MDGA2: variants seen among roughly 807,000 people sequenced by gnomAD.
The protein encoded by MDGA2 is MAM domain containing glycosylphosphatidylinositol anchor 2.
MDGA2 carries 40 observed loss-of-function variants against 117.8 expected under a neutral mutation model. The observed-to-expected ratio is 0.34, with a 90% CI of 0.26 to 0.44. MDGA2 has a LOEUF of 0.44. Among genes scored for constraint, MDGA2 ranks in the 20% least tolerant of loss-of-function variants. The pLI is 1.00. For missense variants in MDGA2, 1,123 were observed against 1,250.6 expected (o/e 0.90, Z 1.54); for synonymous variants, 452 against 439.0 (o/e 1.03, Z -0.37).
chr14:47,016,910 T>C (rs2138563535), intron 8 of MDGA2, among the ~76,000 whole-genome samples: 1 of 151,922 alleles, frequency 6.6e-6, no homozygotes, highest in South Asian at 2.1e-4. Context: ...GCTCAAAATA[T>C]TTTTATATCT....
intron 9 of MDGA2, among the ~76,000 whole-genome samples, chr14:46,954,994 G>T (rs1595066569): frequency 6.6e-6 from 1 of 151,900 alleles, no homozygotes; most frequent in African/African-American, 2.4e-5. Flanking sequence ...GAAATGTGAT[G>T]GGACATAATG....
chr14:47,133,789 G>A (rs998875778), intron 4 of MDGA2, among the ~76,000 whole-genome samples: 1 of 151,832 alleles, frequency 6.6e-6, no homozygotes, highest in Non-Finnish European at 1.5e-5. Context: ...CATACATTCA[G>A]TATCTCTGTC....
intron 1 of MDGA2, among the ~76,000 whole-genome samples, chr14:47,629,036 T>C (rs1897205766): frequency 6.6e-6 from 1 of 152,226 alleles, no homozygotes; most frequent in African/African-American, 2.4e-5. Flanking sequence ...TTTTCTGTTC[T>C]TTCACTTCTC....
At chr14:47,348,314 C>T (rs1186992167) in intron 1 of MDGA2, among the ~76,000 whole-genome samples, 1 of 151,548 alleles carries the variant, frequency 6.6e-6, no homozygotes, top group African/African-American at 2.4e-5. Flanking sequence ...CAGGTTCAAG[C>T]GATTCTCATG....
At chr14:46,902,878 T>C (rs1332442910) in intron 10 of MDGA2, among the ~76,000 whole-genome samples, 2 of 152,242 alleles carry the variant, frequency 1.3e-5, no homozygotes, top group Admixed American at 6.5e-5. Context: ...ACAGACCTAG[T>C]TAAATATACA....
At chr14:46,993,478 C>G (rs1297139866) in intron 8 of MDGA2, among the ~76,000 whole-genome samples, 2 of 144,634 alleles carry the variant, frequency 1.4e-5, no homozygotes. Flanking sequence ...TTTTTTTTTT[C>G]TGACACAGAG....
At chr14:47,068,792 A>C (rs982341561) in intron 6 of MDGA2, among the ~76,000 whole-genome samples, 1 of 152,154 alleles carries the variant, frequency 6.6e-6, no homozygotes, top group Admixed American at 6.5e-5. Flanking sequence ...GTACATCCTT[A>C]ATATTTATGA....
chr14:47,263,692 G>C (rs1266501443), intron 2 of MDGA2, among the ~76,000 whole-genome samples: 2 of 152,076 alleles, frequency 1.3e-5, no homozygotes, highest in Admixed American at 6.6e-5. Flanking sequence ...CATCTGAATA[G>C]CAAAAGCATC....
intron 3 of MDGA2, among the ~76,000 whole-genome samples, chr14:47,174,403 G>C (rs886444394): frequency 3.3e-5 from 5 of 152,064 alleles, no homozygotes; most frequent in African/African-American, 1.2e-4. Context: ...TGGAAGTAAA[G>C]ATCTCCCCAG....
intron 1 of MDGA2, among the ~76,000 whole-genome samples, chr14:47,357,129 A>G (rs1049932640): frequency 6.6e-5 from 10 of 152,188 alleles, no homozygotes; most frequent in African/African-American, 2.4e-4. Flanking sequence ...CACAACTTGC[A>G]GTGGATTACT....
At chr14:47,578,356 CA>C (rs958809143) in intron 1 of MDGA2, among the ~76,000 whole-genome samples, 3 of 152,064 alleles carry the variant, frequency 2.0e-5, no homozygotes, top group African/African-American at 7.2e-5. Context: ...CCATTGCACA[CA>C]TATACCTATG....
chr14:47,224,330 T>TAGATA (rs1566688963), intron 2 of MDGA2, among the ~76,000 whole-genome samples: 1 of 151,832 alleles, frequency 6.6e-6, no homozygotes. Flanking sequence ...GATATAGATA[T>TAGATA]TTCCTGAAAC....
chr14:47,463,906 C>T (rs962175786), intron 1 of MDGA2, among the ~76,000 whole-genome samples: 44 of 151,882 alleles, frequency 2.9e-4, no homozygotes, highest in Non-Finnish European at 4.4e-5. Context: ...GTAATGGATA[C>T]AACTTTAAAT....
intron 14 of MDGA2, among the ~76,000 whole-genome samples, chr14:46,858,186 G>C (rs1233888065): frequency 6.6e-6 from 1 of 150,446 alleles, no homozygotes; most frequent in East Asian, 2.0e-4. Flanking sequence ...CAAGTTCACT[G>C]ACTTTTTTTT....
chr14:47,624,147 G>C (rs529319764), intron 1 of MDGA2, among the ~76,000 whole-genome samples: 1 of 152,102 alleles, frequency 6.6e-6, no homozygotes, highest in Non-Finnish European at 1.5e-5. Context: ...GAAGGTCCTC[G>C]TTCCTTTTGT....
At chr14:46,960,676 TATAC>T (rs893109920) in intron 8 of MDGA2, 69 of 151,792 alleles carry the variant, frequency 4.5e-4, no homozygotes, top group Non-Finnish European at 7.9e-4. Flanking sequence ...TACACACACA[TATAC>T]ATACATATGT....
intron 8 of MDGA2, among the ~76,000 whole-genome samples, chr14:46,999,607 A>G (rs576214583): frequency 3.3e-5 from 5 of 152,158 alleles, no homozygotes; most frequent in Non-Finnish European, 5.9e-5. Flanking sequence ...CTGAATAAAC[A>G]TGAATCCATC....
intron 3 of MDGA2, 70 bp from the exon 4 acceptor site, chr14:47,144,344 T>A: frequency 2.6e-6 from 3 of 1,168,640 alleles, no homozygotes; most frequent in Middle Eastern, 2.4e-4. Flanking sequence ...TGTGCTTATA[T>A]AACCCAACCA....
chr14:47,615,565 C>G (rs1247294345), intron 1 of MDGA2, among the ~76,000 whole-genome samples: 1 of 152,074 alleles, frequency 6.6e-6, no homozygotes, highest in Non-Finnish European at 1.5e-5. Context: ...TATCCTAAGC[C>G]AGTTCTCAGT....
Sources: gnomAD v4.1 joint callset for allele counts (sites outside exome capture counted in the v4.1 genomes callset) on GRCh38, gnomAD v4.1.1 for gene constraint, MANE v1.5 for transcripts, NCBI Gene and HGNC (gene_info 2026-07-23, HGNC 2026-07-21) for gene names.